The following DPYD variants were observed in gnomAD, a reference collection of about 807,000 sequenced individuals.
The protein encoded by DPYD is dihydropyrimidine dehydrogenase.
In DPYD, 109 loss-of-function variants were observed where a neutral mutation model predicts 116.2. The ratio of observed to expected loss-of-function variants is 0.94; its 90% CI spans 0.80 to 1.10. The LOEUF is 1.10. Among genes scored for constraint, DPYD ranks in the 50% least tolerant of loss-of-function variants. The pLI, the probability that DPYD is intolerant of heterozygous loss-of-function variation, is 0.00. For synonymous variants in DPYD, 440 were observed against 432.0 expected, an observed-to-expected ratio of 1.02 and a Z score of -0.23; for missense variants, 1,302 against 1,254.5, an observed-to-expected ratio of 1.04 and a Z score of -0.57.
At chr1:97,773,547 G>C (rs78639803) in intron 3 of DPYD, among the ~76,000 whole-genome samples, 1 of 152,034 alleles carries the variant, frequency 6.6e-6, no homozygotes, top group Admixed American at 6.6e-5. Context: ...CCCCCATCCT[G>C]TGCCTATAAA....
rs192390777 is a variant in DPYD, at chr1:97,119,798, C to T, written c.2623-21166G>A. Among the ~76,000 whole-genome samples, 8 of 152,218 alleles carry T rather than the reference C, an allele frequency of 5.3e-5. No individual in the cohort carries two copies. In the East Asian group the frequency reaches 7.7e-4, roughly 15 times the overall value. ...CATTATTCCACCAGCAAGCAACATG[C>T]GCTCTCTTCAGCTGATATTTCAATT... On this transcript the variant is annotated intron_variant, in intron 20 of 22. Coordinates refer to ENST00000370192, the MANE Select transcript of DPYD (RefSeq NM_000110.4).
At chr1:97,287,365 C>T (rs1461217043) in intron 18 of DPYD, among the ~76,000 whole-genome samples, 1 of 152,120 alleles carries the variant, frequency 6.6e-6, no homozygotes, top group African/African-American at 2.4e-5. Context: ...TTAGGCTGCT[C>T]GGGGGTCAGG....
intron 18 of DPYD, chr1:97,265,336 C>T (rs1278671801): frequency 6.6e-6 from 1 of 152,112 alleles, no homozygotes; most frequent in Non-Finnish European, 1.5e-5. Context: ...AATTATACCA[C>T]CTAGTTTTGC....
intron 13 of DPYD, among the ~76,000 whole-genome samples, chr1:97,500,336 TCATTA>T (rs2101928491): frequency 6.6e-6 from 1 of 152,160 alleles, no homozygotes; most frequent in South Asian, 2.1e-4. Context: ...GAAAATGCTC[TCATTA>T]CAAATACAAT....
At chr1:97,896,921 T>C (rs946153970) in intron 1 of DPYD, among the ~76,000 whole-genome samples, 1 of 151,966 alleles carries the variant, frequency 6.6e-6, no homozygotes, top group Non-Finnish European at 1.5e-5. Flanking sequence ...TTAATTTAAA[T>C]GACCAATTCT....
At chr1:97,353,551 C>T (rs567424560) in intron 16 of DPYD, among the ~76,000 whole-genome samples, 1 of 151,772 alleles carries the variant, frequency 6.6e-6, no homozygotes, top group African/African-American at 2.4e-5. Context: ...TCAAAGTAAA[C>T]AACCACCAAA....
At chr1:97,731,295 G>A (rs926802503) in intron 4 of DPYD, among the ~76,000 whole-genome samples, 1 of 151,580 alleles carries the variant, frequency 6.6e-6, no homozygotes, top group Non-Finnish European at 1.5e-5. Context: ...GAAATAAAAG[G>A]GTTTTTCAAA....
intron 19 of DPYD, among the ~76,000 whole-genome samples, chr1:97,215,154 A>C (rs1017858266): frequency 6.6e-6 from 1 of 152,220 alleles, no homozygotes; most frequent in African/African-American, 2.4e-5. Flanking sequence ...GAATCCTCAC[A>C]ACCATACTAC....
chr1:97,388,537 C>A (rs760046803), intron 14 of DPYD, among the ~76,000 whole-genome samples: 1 of 152,028 alleles, frequency 6.6e-6, no homozygotes, highest in Non-Finnish European at 1.5e-5. Flanking sequence ...GAACAATCAA[C>A]CGTGATGAAT....
At chr1:97,130,470 T>G (rs1653193376) in intron 20 of DPYD, among the ~76,000 whole-genome samples, 1 of 152,182 alleles carries the variant, frequency 6.6e-6, no homozygotes, top group Non-Finnish European at 1.5e-5. Flanking sequence ...CTCCACTTTT[T>G]GCATTAGTTA....
chr1:97,725,795 A>G (rs557833287), intron 4 of DPYD, among the ~76,000 whole-genome samples: 113 of 151,766 alleles, frequency 7.4e-4, no homozygotes, highest in South Asian at 2.9e-3. Flanking sequence ...AAAATGAACT[A>G]AAAGTAAATC....
chr1:97,394,953 G>T (rs1408063366), intron 14 of DPYD, among the ~76,000 whole-genome samples: 2 of 151,974 alleles, frequency 1.3e-5, no homozygotes, highest in African/African-American at 4.8e-5. Context: ...GTTTATGCAG[G>T]TAAGGGACAA....
At chr1:97,876,891 TC>T (rs2101628461) in intron 2 of DPYD, among the ~76,000 whole-genome samples, 1 of 152,106 alleles carries the variant, frequency 6.6e-6, no homozygotes, top group East Asian at 2.0e-4. Flanking sequence ...TCCACTCCCA[TC>T]CTTCCCACCC....
intron 14 of DPYD, among the ~76,000 whole-genome samples, chr1:97,433,614 T>G (rs987059576): frequency 6.6e-6 from 1 of 152,186 alleles, no homozygotes; most frequent in Non-Finnish European, 1.5e-5. Flanking sequence ...GCTTTCTACA[T>G]CCTTACTAGA....
intron 10 of DPYD, among the ~76,000 whole-genome samples, chr1:97,587,891 T>C (rs182512420): frequency 2.0e-5 from 3 of 149,732 alleles, no homozygotes; most frequent in East Asian, 2.0e-4. Context: ...AAACTATCCA[T>C]AGACATAGCT....
intron 8 of DPYD, among the ~76,000 whole-genome samples, chr1:97,610,825 A>T (rs1273312714): frequency 2.0e-5 from 3 of 152,046 alleles, no homozygotes; most frequent in Admixed American, 2.0e-4. Flanking sequence ...AATCATGATT[A>T]GCTGCTTACA....
chr1:97,515,849 T>C lies in DPYD; in HGVS notation c.1617A>G (p.Gly539=), dbSNP rs762029458. ...GACCAAAAGGATTTATAAACTTCAA[T>C]CCGGCCATTTCTACACTAATGTCCA... is the stretch of plus-strand genomic sequence containing the variant. ...DLVDISVEMA[G]LKFINPFGLA... The change falls in exon 13 of 23, where the codon GGA becomes GGG. Residue 539 remains glycine (G), a synonymous_variant. Coordinates refer to ENST00000370192, the MANE Select transcript of DPYD (RefSeq NM_000110.4). The C allele has an allele frequency of 5.6e-6, 9 of 1,612,920 alleles. No individual in the cohort carries two copies. The highest frequency in any genetic ancestry group is 1.7e-5 in the Admixed American group (1 of 59,840).
chr1:97,281,678 T>C lies in DPYD; in HGVS notation c.2299+23581A>G, dbSNP rs114018182. On this transcript the variant is annotated intron_variant, in intron 18 of 22. Transcript: ENST00000370192. ...GTTATCAAACTAAGTCCCAGAAAAA[T>C]AAGTAAATATACTAAGGGTGAGAAA... Among the ~76,000 whole-genome samples, 1,146 of 151,998 alleles carry C rather than the reference T, an allele frequency of 7.5e-3. 12 individuals are homozygous for C. Among genetic ancestry groups the C allele is most frequent in the African/African-American group, 0.027 (1,101 of 41,490 alleles).
At chr1:97,445,953 C>A (rs547289657) in intron 14 of DPYD, among the ~76,000 whole-genome samples, 1 of 152,242 alleles carries the variant, frequency 6.6e-6, no homozygotes, top group South Asian at 2.1e-4. Context: ...TCACAAACTC[C>A]TGACCTCAAG....
Sources: allele counts gnomAD v4.1 joint callset (sites outside exome capture counted in the v4.1 genomes callset), GRCh38; gene constraint gnomAD v4.1.1; transcripts MANE v1.5; gene names NCBI Gene and HGNC (gene_info 2026-07-23, HGNC 2026-07-21).